API5: variants seen among roughly 807,000 people sequenced by gnomAD.
API5 encodes the protein apoptosis inhibitor 5.
A neutral mutation model predicts 71.9 loss-of-function variants in API5; 6 were observed. The observed-to-expected ratio is 0.08, with a 90% CI of 0.05 to 0.16. The LOEUF is 0.16. API5 is among the 10% of genes least tolerant of loss of function. The pLI is 1.00. For missense variants in API5, 332 were observed against 612.8 expected, an observed-to-expected ratio of 0.54 and a Z score of 4.84; for synonymous variants, 189 against 221.3, an observed-to-expected ratio of 0.85 and a Z score of 1.30.
chr11:43,340,258 A>G (rs74503922), intron 13 of API5: 11,687 of 336,300 alleles, frequency 0.035, 252 homozygotes, highest in Non-Finnish European at 0.043. Context: ...AAAACTACAA[A>G]ACACTGATGA....
intron 13 of API5, 26 bp from the exon 14 acceptor site, chr11:43,342,402 C>T (rs371045239): frequency 1.9e-6 from 3 of 1,570,046 alleles, no homozygotes; most frequent in Non-Finnish European, 2.6e-6. Context: ...TAAGCAAGAC[C>T]TAAACCCTTG....
Position 43,338,471 on chromosome 11 carries a change from T to TA in API5, c.1492+2482dup, listed in dbSNP as rs1855505815. Among the ~76,000 whole-genome samples, 5 of 151,960 alleles carry TA rather than the reference T, an allele frequency of 3.3e-5. No individual in the cohort carries two copies. The South Asian group carries it at 1.0e-3, about 32-fold the overall frequency. On this transcript the variant is annotated intron_variant, in intron 13 of 13. Transcript: ENST00000531273. ...CTTGTGTTCTTTACTTTTTGGAATA[T>TA]AAAAATAATCCTTAAAGTTTAATTT...
At chr11:43,328,685 CA>C in intron 8 of API5, 26 bp from the exon 9 acceptor site, 1 of 1,595,318 alleles carries the variant, frequency 6.3e-7, no homozygotes, top group East Asian at 2.2e-5. Context: ...GAACAGATTG[CA>C]AAATCTGTAT....
At chr11:43,327,962 C>T in intron 8 of API5, 84 bp downstream of exon 8, 1 of 815,850 alleles carries the variant, frequency 1.2e-6, no homozygotes, top group Non-Finnish European at 1.8e-6. Context: ...TTACAAGAAC[C>T]AGTTTTTGAA....
At chr11:43,329,858 C>A (rs887908315) in intron 9 of API5, 107 bp from the exon 10 acceptor site, 6 of 828,570 alleles carry the variant, frequency 7.2e-6, no homozygotes, top group Non-Finnish European at 5.8e-6. Flanking sequence ...ATTTACTGGT[C>A]ATGTAACCAT....
chr11:43,344,008 A>G lies in API5; in HGVS notation c.*1498A>G, dbSNP rs886335092. 2 of 152,672 alleles carry G rather than the reference A, an allele frequency of 1.3e-5. No homozygotes were observed. The allele number at this position is 152,672 out of a possible 1,614,324, so 9.5% of individuals were successfully genotyped here. A position where few individuals can be genotyped will look rare whatever the true frequency, so the allele number is the denominator to read the frequency against. ...AGTTCTGAAAGGCTAGAATGATACA[A>G]GTGAGCAAAAGTTGGTCAGCTTGGC... On this transcript the variant is annotated 3_prime_UTR_variant, in exon 14 of 14. Coordinates refer to ENST00000531273, the MANE Select transcript of API5 (RefSeq NM_001142930.2).
rs374457536 is a variant in API5 at position 43,342,457 on chromosome 11, G to A, written c.1522G>A (p.Gly508Ser). 1.9e-6 allele frequency: 3 copies of A among 1,612,004 alleles called. No homozygotes were observed. Among genetic ancestry groups the A allele is most frequent in the Non-Finnish European group, 2.5e-6 (3 of 1,178,828 alleles). Residue 508 changes from glycine to serine, a missense_variant, in exon 14 of 14, where the codon GGT (glycine) becomes AGT (serine). By Grantham distance (56) the Gly-to-Ser change is moderately conservative. Transcript: ENST00000531273. ...EQRGAFRGSR[G>S]GRGWGTRGNR... ...GAGAGGAGCCTTCAGGGGAAGTAGA[G>A]GTGGCCGAGGTTGGGGCACACGAGG...
rs1855716785 is a variant in API5 at position 43,344,394 on chromosome 11, G to C, written c.*1884G>C. 1 of 152,516 alleles carries C rather than the reference G, an allele frequency of 6.6e-6. No homozygotes were observed. Among genetic ancestry groups the C allele is most frequent in the African/African-American group, 2.4e-5 (1 of 41,412 alleles). 9.4% of individuals were successfully genotyped at this position (152,516 alleles called of 1,614,324 possible). ...TCCTAAGGCAATAGTGCACAACTTA[G>C]GTTATTTTTGCTTCCGAATTTGAAT... On this transcript the variant is annotated 3_prime_UTR_variant, in exon 14 of 14. Transcript: ENST00000531273.
chr11:43,337,099 G>A (rs1020237758), intron 13 of API5, among the ~76,000 whole-genome samples: 1 of 151,972 alleles, frequency 6.6e-6, no homozygotes, highest in Admixed American at 6.6e-5. Flanking sequence ...CGAGGTGGGA[G>A]GATCACTTGA....
At position 43,336,063 on chromosome 11, in the gene API5, A is replaced by G. The variant is rs935955588; in HGVS notation, c.1492+69A>G. ...AGAAATTGTGTTATACTTTATTTTA[A>G]TTAGTAATTATATACAGTGTCATGG... On this transcript the variant is annotated intron_variant, in intron 13 of 13. Transcript: ENST00000531273. The G allele has an allele frequency of 5.2e-6, 8 of 1,551,486 alleles. No individual in the cohort carries two copies. In the African/African-American group the frequency reaches 6.9e-5, roughly 13 times the overall value.
At chr11:43,321,757 G>A (rs1191552203) in intron 4 of API5, among the ~76,000 whole-genome samples, 1 of 152,114 alleles carries the variant, frequency 6.6e-6, no homozygotes, top group Non-Finnish European at 1.5e-5. Context: ...TTTATTATTA[G>A]TAATGATAAA....
chr11:43,325,404 G>A (rs6485417), intron 6 of API5, among the ~76,000 whole-genome samples: 2 of 152,312 alleles, frequency 1.3e-5, no homozygotes, highest in South Asian at 4.1e-4. Context: ...ATTTTAAGAA[G>A]GGACAAGACA....
chr11:43,333,439 T>C (rs532388763), intron 11 of API5, among the ~76,000 whole-genome samples: 1 of 152,272 alleles, frequency 6.6e-6, no homozygotes, highest in Non-Finnish European at 1.5e-5. Flanking sequence ...GAGGATTGTT[T>C]ATATGGGCAA....
chr11:43,334,725 C>G (rs1855371857), intron 11 of API5, among the ~76,000 whole-genome samples: 2 of 152,074 alleles, frequency 1.3e-5, no homozygotes. Flanking sequence ...GTATTTAAAT[C>G]TTACACGGTT....
At chr11:43,313,123 G>T (rs774687403) in intron 1 of API5, among the ~76,000 whole-genome samples, 18 of 151,342 alleles carry the variant, frequency 1.2e-4, no homozygotes, top group Middle Eastern at 3.4e-3. Flanking sequence ...AAAAAAAAAG[G>T]TTTTTTTTAA....
chr11:43,338,133 G>A (rs1198546253), intron 13 of API5, among the ~76,000 whole-genome samples: 4 of 152,216 alleles, frequency 2.6e-5, no homozygotes, highest in Non-Finnish European at 5.9e-5. Flanking sequence ...TTATTAGAAA[G>A]AAGAGTGAAT....
chr11:43,328,941 T>TC, intron 9 of API5, 48 bp downstream of exon 9: 1 of 1,592,610 alleles, frequency 6.3e-7, no homozygotes, highest in Non-Finnish European at 8.6e-7. Context: ...GTGGTAGCTA[T>TC]CCTGAAGTTC....
At chr11:43,320,728 CT>C in intron 2 of API5, 92 bp from the exon 3 acceptor site, 36 of 1,108,108 alleles carry the variant, frequency 3.2e-5, no homozygotes, top group Middle Eastern at 6.2e-4. Context: ...AATACCTTGT[CT>C]TTAAAAAAAA....
chr11:43,315,896 C>T (rs1396807702), intron 1 of API5, among the ~76,000 whole-genome samples: 3 of 143,768 alleles, frequency 2.1e-5, no homozygotes, highest in Non-Finnish European at 4.8e-5. Context: ...TATGAATTTA[C>T]TTACTTTAAA....
Sources: allele counts gnomAD v4.1 joint callset (sites outside exome capture counted in the v4.1 genomes callset), GRCh38; gene constraint gnomAD v4.1.1; transcripts MANE v1.5; gene names NCBI Gene and HGNC (gene_info 2026-07-23, HGNC 2026-07-21).